Variants in CHM observed in about 807,000 individuals in gnomAD.
CHM encodes CHM Rab escort protein.
In CHM, 10 loss-of-function variants were observed where a neutral mutation model predicts 49.0. The observed-to-expected ratio is 0.20, with a 90% CI of 0.13 to 0.35. The LOEUF is 0.35. Among genes scored for constraint, CHM ranks in the 10% least tolerant of loss-of-function variants. The probability of loss-of-function intolerance (pLI) is 1.00; values close to 1 mark genes in which losing one functional copy is unlikely to be tolerated. For missense variants in CHM, 455 were observed against 478.4 expected (o/e 0.95, Z 0.46); for synonymous variants, 184 against 167.5 (o/e 1.10, Z -0.76).
intron 9 of CHM, among the ~76,000 whole-genome samples, chrX:85,908,511 T>C (rs1926740707): frequency 8.9e-6 from 1 of 112,107 alleles, no homozygotes; most frequent in African/African-American, 3.2e-5. Context: ...TTTTCAAGTA[T>C]TGCTTGAGTC....
chrX:86,047,188 T>C, intron 1 of CHM: 1 of 385,257 alleles, frequency 2.6e-6, no homozygotes, highest in Non-Finnish European at 4.6e-6. Flanking sequence ...CTCCATTTCA[T>C]GACACTGCAC....
chrX:85,955,848 A>C (rs1443676215), intron 8 of CHM, among the ~76,000 whole-genome samples: 1 of 112,001 alleles, frequency 8.9e-6, no homozygotes, highest in Non-Finnish European at 1.9e-5. Flanking sequence ...TGGTGTATTC[A>C]CAATAACATA....
chrX:85,958,382 C>G (rs980259075), intron 6 of CHM, among the ~76,000 whole-genome samples: 1 of 111,573 alleles, frequency 9.0e-6, no homozygotes, highest in African/African-American at 3.3e-5. Flanking sequence ...TTGGCCCCTA[C>G]AGTTTTGGTG....
chrX:85,901,928 A>G (rs1485384810), intron 9 of CHM, among the ~76,000 whole-genome samples: 6 of 111,713 alleles, frequency 5.4e-5, no homozygotes, highest in Non-Finnish European at 1.1e-4. Context: ...AAAGGATGAA[A>G]ATTAGAATCC....
intron 2 of CHM, among the ~76,000 whole-genome samples, chrX:86,022,076 T>A (rs943536273): frequency 1.8e-5 from 2 of 111,891 alleles, no homozygotes; most frequent in African/African-American, 6.5e-5. Context: ...CAGTTTCAGT[T>A]CTGCAAGATC....
chrX:85,869,660 A>T (rs942012571), intron 14 of CHM, among the ~76,000 whole-genome samples: 1 of 111,477 alleles, frequency 9.0e-6, no homozygotes, highest in Non-Finnish European at 1.9e-5. Context: ...AACTGCTGCA[A>T]CCTCTTAGGG....
intron 1 of CHM, among the ~76,000 whole-genome samples, chrX:86,034,989 G>C (rs1168897877): frequency 9.0e-6 from 1 of 111,197 alleles, no homozygotes; most frequent in African/African-American, 3.3e-5. Context: ...GTCCCACACT[G>C]AGGAGTAACT....
intron 2 of CHM, among the ~76,000 whole-genome samples, chrX:86,013,733 C>A (rs867759641): frequency 2.4e-4 from 19 of 78,469 alleles, no homozygotes; most frequent in Non-Finnish European, 3.3e-4. Flanking sequence ...GACTTCGTCT[C>A]AAAAAAAAAA....
intron 1 of CHM, among the ~76,000 whole-genome samples, chrX:86,030,601 T>C (rs1041526888): frequency 4.5e-5 from 5 of 111,376 alleles, no homozygotes; most frequent in Admixed American, 9.5e-5. Context: ...TCAGAGTCTA[T>C]GTAACAAGAA....
rs180832931 is a variant in CHM, at chrX:85,986,106, C to T, written c.117-4297G>A. On this transcript the variant is annotated intron_variant, in intron 2 of 14. Coordinates refer to ENST00000357749, the MANE Select transcript of CHM (RefSeq NM_000390.4). ...TAGTCAACAGAAAAAGGGGTCAGTC[C>T]ATTTCCCATAGGTCACACCCACCCC... Among the ~76,000 whole-genome samples the T allele has an allele frequency of 1.1e-4, 12 of 111,158 alleles. No individual in the cohort carries two copies. The East Asian group carries it at 2.8e-3, about 26-fold the overall frequency.
intron 1 of CHM, among the ~76,000 whole-genome samples, chrX:86,045,238 A>G (rs1178995900): frequency 8.9e-6 from 1 of 112,274 alleles, no homozygotes; most frequent in Non-Finnish European, 1.9e-5. Flanking sequence ...GCTCAATGTA[A>G]TACATTTAAT....
At chrX:85,958,023 T>G in intron 6 of CHM, 48 bp from the exon 7 acceptor site, 5 of 1,186,138 alleles carry the variant, frequency 4.2e-6, no homozygotes, top group Non-Finnish European at 5.7e-6. Context: ...CCTAATGATA[T>G]AACTATTCCA....
Position 85,864,471 on chromosome X carries a change from A to C in CHM, c.*159T>G, listed in dbSNP as rs1923564992. On this transcript the variant is annotated 3_prime_UTR_variant, in exon 15 of 15. Coordinates refer to ENST00000357749, the MANE Select transcript of CHM (RefSeq NM_000390.4). The stretch of plus-strand genomic sequence containing the variant: ...TTTATAAGTGTTGTGTGTTCTTGGA[A>C]TGTCCTCTATAAGGAAAATCCCCTT... 2 of 493,920 alleles carry C rather than the reference A, an allele frequency of 4.0e-6. No homozygotes were observed. The highest frequency in any genetic ancestry group is 2.9e-5 in the Admixed American group (1 of 34,137). 40.7% of individuals were successfully genotyped at this position (493,920 alleles called of 1,213,427 possible).
chrX:86,040,037 C>T (rs952628597), intron 1 of CHM, among the ~76,000 whole-genome samples: 2 of 111,990 alleles, frequency 1.8e-5, no homozygotes, highest in African/African-American at 6.5e-5. Flanking sequence ...GACAAGAGCT[C>T]GGGAACGATG....
intron 4 of CHM, among the ~76,000 whole-genome samples, chrX:85,973,160 A>C (rs771619184): frequency 1.9e-5 from 2 of 107,099 alleles, no homozygotes; most frequent in African/African-American, 6.8e-5. Flanking sequence ...TTAGCTGCGC[A>C]TGGTGGCACG....
chrX:85,929,756 T>C (rs989730744), intron 8 of CHM, among the ~76,000 whole-genome samples: 2 of 112,188 alleles, frequency 1.8e-5, no homozygotes, highest in African/African-American at 3.2e-5. Flanking sequence ...CCCGAATTTA[T>C]AGTCAATTCC....
intron 1 of CHM, among the ~76,000 whole-genome samples, chrX:86,039,529 AAGAC>A (rs1378227876): frequency 5.5e-5 from 6 of 108,443 alleles, no homozygotes; most frequent in Non-Finnish European, 1.1e-4. Flanking sequence ...AAAAAAAAAA[AAGAC>A]AGGTGAGAAT....
intron 2 of CHM, among the ~76,000 whole-genome samples, chrX:86,011,127 C>T (rs1030139633): frequency 9.0e-6 from 1 of 111,610 alleles, no homozygotes; most frequent in African/African-American, 3.3e-5. Flanking sequence ...CACTCTTAGG[C>T]ACTGAGGATA....
intron 2 of CHM, among the ~76,000 whole-genome samples, chrX:85,985,196 G>C: frequency 8.9e-6 from 1 of 112,394 alleles, no homozygotes. Context: ...TTTGCTATTT[G>C]AGCAACTTAG....
Sources: gnomAD v4.1 joint callset for allele counts (sites outside exome capture counted in the v4.1 genomes callset) on GRCh38, gnomAD v4.1.1 for gene constraint, MANE v1.5 for transcripts, NCBI Gene and HGNC (gene_info 2026-07-23, HGNC 2026-07-21) for gene names.